Variants in CUL9 observed in about 807,000 individuals in gnomAD.
The protein encoded by CUL9 is cullin-9.
CUL9 carries 79 observed loss-of-function variants against 272.6 expected under a neutral mutation model. The ratio of observed to expected loss-of-function variants is 0.29; its 90% CI spans 0.24 to 0.35. The LOEUF is 0.35. CUL9 is among the 10% of genes least tolerant of loss of function. CUL9 has a pLI of 1.00. For missense variants in CUL9, 2,532 were observed against 3,255.6 expected (o/e 0.78, Z 5.41); for synonymous variants, 1,186 against 1,286.5 (o/e 0.92, Z 1.67).
rs770954561 is a variant in CUL9 at position 43,200,385 on chromosome 6, C to CT, written c.3385-50dup. On this transcript the variant is annotated intron_variant, in intron 14 of 40. Coordinates refer to ENST00000252050, the MANE Select transcript of CUL9 (RefSeq NM_015089.4). This position sits in a 1 kb window ranked among gnomAD's most constrained non-coding sequence, Gnocchi z 4.0. ...TCTCTACCTGTTTCTGGGCATTTCT[C>CT]TGTGTTCCTCCCTCTCCTCTTCCTC... 9 of 1,613,802 alleles carry CT rather than the reference C, an allele frequency of 5.6e-6. No individual in the cohort carries two copies. In the African/African-American group the frequency reaches 1.2e-4, roughly 22 times the overall value.
chr6:43,188,684 C>A lies in CUL9; in HGVS notation c.2149C>A (p.His717Asn), dbSNP rs771938509. ...TGTGGAGGAGGTCACTGAGCGGGAC[C>A]ACCCTCTGGTCCGTCCTGACAGATC... The part of the protein sequence containing the change: ...QAVEEVTERD[H>N]PLVRPDRSLR... The change falls in exon 8 of 41, where the codon CAC becomes AAC. Residue 717 changes from histidine (H) to asparagine (N), a missense_variant. His to Asn is a moderately conservative substitution (Grantham distance 68). Coordinates refer to ENST00000252050, the MANE Select transcript of CUL9 (RefSeq NM_015089.4). The A allele has an allele frequency of 1.2e-6, 2 of 1,613,576 alleles. No homozygotes were observed. Among genetic ancestry groups the A allele is most frequent in the Admixed American group, 1.7e-5 (1 of 59,926 alleles).
At chr6:43,211,907 T>C (rs1397737422) in intron 26 of CUL9, among the ~76,000 whole-genome samples, 1 of 152,238 alleles carries the variant, frequency 6.6e-6, no homozygotes. Flanking sequence ...TGGGGTTTTT[T>C]GGTTAGTTAT....
chr6:43,186,294 C>G lies in CUL9; in HGVS notation c.1090C>G (p.Arg364Gly), dbSNP rs755456316. 4 of 1,614,218 alleles carry G rather than the reference C, an allele frequency of 2.5e-6. No homozygotes were observed. The East Asian group carries it at 8.9e-5, about 36-fold the overall frequency. ...CCCCAGAAGACAAGGGTGGGTCTTC[C>G]GCCAGCGCTCTGAATTCTCCAGCCG... ...TTPRRQGWVF[R>G]QRSEFSSRSG... Residue 364 changes from arginine to glycine, a missense_variant, in exon 4 of 41, where the codon CGC becomes GGC. Physicochemically the swap from Arg to Gly is moderately radical, Grantham distance 125. This residue lies in a region of CUL9 where 2,218 missense variants were observed against 2,788.6 expected (regional missense o/e 0.80). Transcript: ENST00000252050.
Position 43,223,282 on chromosome 6 carries a change from G to A in CUL9, c.7169G>A (p.Cys2390Tyr). ...TCTGCAGAGGAAACCCTGCTGCGGT[G>A]CAGAGACCTGGCCTCCTCCCTGCGC... is the stretch of plus-strand genomic sequence containing the variant. The part of the protein sequence containing the change: ...QILLEETLLR[C>Y]RDLASSLRLL... The change falls in exon 39 of 41, where the codon TGC becomes TAC. Residue 2390 changes from cysteine to tyrosine, a missense_variant. Around this residue, in one of 3 missense-constraint regions of CUL9, gnomAD observed 237 missense variants for 305.9 expected, o/e 0.77. Coordinates refer to ENST00000252050, the MANE Select transcript of CUL9 (RefSeq NM_015089.4). The surrounding 1 kb of genome is among the most constrained non-coding windows in gnomAD (Gnocchi z 4.1). The A allele has an allele frequency of 6.3e-7, 1 of 1,599,372 alleles. No individual in the cohort carries two copies. Among genetic ancestry groups the A allele is most frequent in the South Asian group, 1.1e-5 (1 of 88,354 alleles).
chr6:43,201,685 T>TA (rs1360063963), intron 16 of CUL9, among the ~76,000 whole-genome samples: 1 of 152,176 alleles, frequency 6.6e-6, no homozygotes, highest in Admixed American at 6.5e-5. Context: ...TTCACCGTGT[T>TA]AGTCAGGATG....
At position 43,216,139 on chromosome 6, in the gene CUL9, T is replaced by A. The variant is rs1353680554; in HGVS notation, c.5937-19T>A. On this transcript the variant is annotated intron_variant, in intron 30 of 40. Transcript: ENST00000252050. ...AGCAGGGCAGGAATACTGACTTCTG[T>A]CTCTTCCCTCCCCACAAGCCCAGAA... is the stretch of plus-strand genomic sequence containing the variant. 6.3e-7 allele frequency: 1 copy of A among 1,592,356 alleles called. No individual in the cohort carries two copies. Among genetic ancestry groups the A allele is most frequent in the South Asian group, 1.1e-5 (1 of 89,692 alleles).
chr6:43,188,772 G>A, intron 8 of CUL9, 57 bp downstream of exon 8: 1 of 1,412,966 alleles, frequency 7.1e-7, no homozygotes, highest in Non-Finnish European at 9.6e-7. Flanking sequence ...AAGGATGGTG[G>A]TAGCGGGGAA....
At position 43,206,094 on chromosome 6, in the gene CUL9, C is replaced by A; in HGVS notation, c.4881C>A (p.Asn1627Lys). Residue 1627 changes from asparagine to lysine, a missense_variant, in exon 25 of 41, where the codon AAC (asparagine) becomes AAA (lysine). Physicochemically the swap from Asn to Lys is moderately conservative, Grantham distance 94. Transcript: ENST00000252050. This position sits in a 1 kb window ranked among gnomAD's most constrained non-coding sequence, Gnocchi z 4.8. ...AGCAGATTGGCCTCTGTTTTCCCAA[C>A]CGCCTCCCACAGCTGATGCTGCAGA... ...VLEQIGLCFPNRLPQLMLQSL... is the reference protein window; with the variant it reads ...VLEQIGLCFPKRLPQLMLQSL... 6.2e-7 allele frequency: 1 copy of A among 1,614,196 alleles called. No individual in the cohort carries two copies. The highest frequency in any genetic ancestry group is 8.5e-7 in the Non-Finnish European group (1 of 1,180,048).
At chr6:43,198,411 A>C (rs1774201392) in intron 11 of CUL9, 198 bp from the exon 12 acceptor site, 1 of 983,448 alleles carries the variant, frequency 1.0e-6, no homozygotes, top group Admixed American at 6.2e-5. Context: ...TTGCTATACT[A>C]GGTTTTTTTT....
chr6:43,198,356 G>A (rs13211560), intron 11 of CUL9: 1 of 978,576 alleles, frequency 1.0e-6, no homozygotes, highest in African/African-American at 1.8e-5. Context: ...TTTAATAATA[G>A]GACTATAAGA....
At chr6:43,214,574 G>T (rs1775781174) in intron 29 of CUL9, among the ~76,000 whole-genome samples, 1 of 152,108 alleles carries the variant, frequency 6.6e-6, no homozygotes. Flanking sequence ...GCTGAGGTGG[G>T]TGGATCACTT....
rs747888252 is a variant in CUL9 at position 43,188,683 on chromosome 6, C to T, written c.2148C>T (p.Asp716=). 1.2e-6 allele frequency: 2 copies of T among 1,613,712 alleles called. No individual in the cohort carries two copies. Among genetic ancestry groups the T allele is most frequent in the South Asian group, 2.2e-5 (2 of 91,034 alleles). Residue 716 remains aspartate, a synonymous_variant, in exon 8 of 41, where the codon GAC becomes GAT. Transcript: ENST00000252050. ...SQAVEEVTER[D]HPLVRPDRSL... is the part of the protein sequence containing the mutation. ...CTGTGGAGGAGGTCACTGAGCGGGACCACCCTCTGGTCCGTCCTGACAGAT... is the reference window on the plus strand; with the variant it reads ...CTGTGGAGGAGGTCACTGAGCGGGATCACCCTCTGGTCCGTCCTGACAGAT...
At chr6:43,191,088 C>G (rs746878960) in intron 8 of CUL9, among the ~76,000 whole-genome samples, 3 of 151,836 alleles carry the variant, frequency 2.0e-5, no homozygotes, top group Non-Finnish European at 2.9e-5. Context: ...CTATTCTGTT[C>G]CAGAATTATA....
rs1344764081 is a variant in CUL9, at chr6:43,220,074, G to C, written c.6283-385G>C. On this transcript the variant is annotated intron_variant, in intron 31 of 40. Coordinates refer to ENST00000252050, the MANE Select transcript of CUL9 (RefSeq NM_015089.4). The surrounding 1 kb of genome is among the most constrained non-coding windows in gnomAD (Gnocchi z 4.9). ...GGAGCTGGGAGGAGAGACCAGAGCTGTGTTGTCAGCCACCCAGGCAACCCA... is the reference window on the plus strand; with the variant it reads ...GGAGCTGGGAGGAGAGACCAGAGCTCTGTTGTCAGCCACCCAGGCAACCCA... 1.3e-5 allele frequency among the ~76,000 whole-genome samples: 2 copies of C among 152,182 alleles called. No individual in the cohort carries two copies. The highest frequency in any genetic ancestry group is 2.9e-5 in the Non-Finnish European group (2 of 68,028).
rs759819757 is a variant in CUL9, at chr6:43,220,776, G to A, written c.6453G>A (p.Val2151=). 3 of 1,613,098 alleles carry A rather than the reference G, an allele frequency of 1.9e-6. No individual in the cohort carries two copies. The highest frequency in any genetic ancestry group is 2.2e-5 in the East Asian group (1 of 44,890). Residue 2151 remains valine, a synonymous_variant, in exon 33 of 41, where the codon GTG becomes GTA. Transcript: ENST00000252050. This position sits in a 1 kb window ranked among gnomAD's most constrained non-coding sequence, Gnocchi z 4.9. ...KYEKALLRGY[V]ESCSNLTWCT... ...AGAAGGCGCTCCTGCGTGGCTATGT[G>A]GAGAGCTGCTCCAACCTGACCTGGT... is the stretch of plus-strand genomic sequence containing the variant.
rs1161604416 is a variant in CUL9 at position 43,186,163 on chromosome 6, C to T, written c.959C>T (p.Ala320Val). The change falls in exon 4 of 41, where the codon GCC (alanine) becomes GTC (valine). Residue 320 changes from alanine (A) to valine (V), a missense_variant. Ala to Val is a moderately conservative substitution (Grantham distance 64). Around this residue, in one of 3 missense-constraint regions of CUL9, gnomAD observed 2,218 missense variants for 2,788.6 expected, o/e 0.80. Coordinates refer to ENST00000252050, the MANE Select transcript of CUL9 (RefSeq NM_015089.4). ...ISELVRSMGWARNLSEQGMSP... is the reference protein window; with the variant it reads ...ISELVRSMGWVRNLSEQGMSP... Reference sequence around the variant, plus strand: ...GAGCTTGTGCGGAGCATGGGCTGGGCCCGGAACCTCAGCGAACAGGGCATG... The same window carrying T: ...GAGCTTGTGCGGAGCATGGGCTGGGTCCGGAACCTCAGCGAACAGGGCATG... 1.2e-6 allele frequency: 2 copies of T among 1,614,218 alleles called. No individual in the cohort carries two copies. Among genetic ancestry groups the T allele is most frequent in the Non-Finnish European group, 8.5e-7 (1 of 1,180,034 alleles).
intron 1 of CUL9, among the ~76,000 whole-genome samples, chr6:43,182,753 AC>A (rs1772526183): frequency 1.3e-5 from 2 of 151,608 alleles, no homozygotes; most frequent in African/African-American, 4.8e-5. Flanking sequence ...CTGTCCCTGT[AC>A]CCCAACATGA....
At position 43,221,823 on chromosome 6, in the gene CUL9, G is replaced by C. The variant is rs766989104; in HGVS notation, c.6846+45G>C. 1 of 1,542,158 alleles carries C rather than the reference G, an allele frequency of 6.5e-7. No individual in the cohort carries two copies. Among genetic ancestry groups the C allele is most frequent in the African/African-American group, 1.4e-5 (1 of 73,698 alleles). On this transcript the variant is annotated intron_variant, in intron 35 of 40. Coordinates refer to ENST00000252050, the MANE Select transcript of CUL9 (RefSeq NM_015089.4). The surrounding 1 kb of genome is among the most constrained non-coding windows in gnomAD (Gnocchi z 4.2). ...GGGAGGGCAGAGGCCCAGAGCCGTC[G>C]GGGAGGGGTGCTGCTACCAGGTCCT...
chr6:43,205,396 T>C lies in CUL9; in HGVS notation c.4766T>C (p.Leu1589Pro), dbSNP rs904045677. 6.2e-7 allele frequency: 1 copy of C among 1,613,978 alleles called. No individual in the cohort carries two copies. ...EPIMVLSGLE[L>P]ATTFEHFYQH... ...ATTATGGTCCTTTCTGGTCTGGAACTGGCCACAACTTTTGAGCACTTCTAT... is the reference window on the plus strand; with the variant it reads ...ATTATGGTCCTTTCTGGTCTGGAACCGGCCACAACTTTTGAGCACTTCTAT... The change falls in exon 24 of 41, where the codon CTG becomes CCG. Residue 1589 changes from leucine (L) to proline (P), a missense_variant. This residue lies in a region of CUL9 where 2,218 missense variants were observed against 2,788.6 expected (regional missense o/e 0.80). Transcript: ENST00000252050.
Sources: gnomAD v4.1 joint callset for allele counts (sites outside exome capture counted in the v4.1 genomes callset) on GRCh38, gnomAD v4.1.1 for gene constraint, gnomAD v4.1.1 regional missense constraint, Gnocchi (gnomAD v3.1) non-coding constraint, MANE v1.5 for transcripts, NCBI Gene and HGNC (gene_info 2026-07-23, HGNC 2026-07-21) for gene names.